Variants in CSMD1 observed in about 807,000 individuals in gnomAD.
CSMD1 encodes CUB and sushi domain-containing protein 1.
CSMD1 carries 213 observed loss-of-function variants against 417.5 expected under a neutral mutation model. That is an observed-to-expected ratio of 0.51 (90% confidence interval 0.46 to 0.57). The LOEUF (loss-of-function observed/expected upper bound fraction) is 0.57, where lower values mean the gene tolerates loss of function less well. Among genes scored for constraint, CSMD1 ranks in the 20% least tolerant of loss-of-function variants. CSMD1 has a pLI of 0.00. For missense variants in CSMD1, 6,923 were observed against 4,529.7 expected, an observed-to-expected ratio of 1.53 and a Z score of -15.17; for synonymous variants, 2,862 against 1,736.8, an observed-to-expected ratio of 1.65 and a Z score of -16.11.
At chr8:3,847,521 C>A (rs934750867) in intron 5 of CSMD1, among the ~76,000 whole-genome samples, 11 of 152,008 alleles carry the variant, frequency 7.2e-5, no homozygotes, top group African/African-American at 2.7e-4. Flanking sequence ...GAAGATAATT[C>A]CAGCCTAAGG....
chr8:4,866,857 T>G (rs1215076358), intron 1 of CSMD1, among the ~76,000 whole-genome samples: 1 of 152,020 alleles, frequency 6.6e-6, no homozygotes, highest in Non-Finnish European at 1.5e-5. Flanking sequence ...ACTTTACCAT[T>G]AATATAAAAC....
intron 3 of CSMD1, among the ~76,000 whole-genome samples, chr8:4,156,755 A>T (rs1796856366): frequency 6.6e-6 from 1 of 152,180 alleles, no homozygotes; most frequent in African/African-American, 2.4e-5. Flanking sequence ...ACCTTTGAAC[A>T]GGAAATCCAG....
chr8:2,962,643 T>C lies in CSMD1; in HGVS notation c.9455-4A>G, dbSNP rs1803598429. On this transcript the variant is annotated splice_region_variant and splice_polypyrimidine_tract_variant and intron_variant, in intron 60 of 69. Coordinates refer to ENST00000635120, the MANE Select transcript of CSMD1 (RefSeq NM_033225.6). ...CCAGGGTCTCCGCAGAACACAGCTA[T>C]GGAAGATAACCAGGAAGAAGTCAGC... 2.5e-6 allele frequency: 4 copies of C among 1,612,528 alleles called. No individual in the cohort carries two copies. The highest frequency in any genetic ancestry group is 1.3e-5 in the African/African-American group (1 of 74,914).
chr8:4,616,650 C>T (rs747993796), intron 2 of CSMD1, among the ~76,000 whole-genome samples: 5 of 152,158 alleles, frequency 3.3e-5, no homozygotes, highest in Admixed American at 6.5e-5. Context: ...GACATGCCAA[C>T]GCTTGAGAAA....
At chr8:4,423,567 C>G (rs531067801) in intron 2 of CSMD1, among the ~76,000 whole-genome samples, 2 of 151,910 alleles carry the variant, frequency 1.3e-5, no homozygotes, top group Admixed American at 6.6e-5. Context: ...AATAAATGGA[C>G]AGATATACCA....
chr8:4,030,460 G>A (rs1477956718), intron 4 of CSMD1, among the ~76,000 whole-genome samples: 1 of 152,222 alleles, frequency 6.6e-6, no homozygotes, highest in African/African-American at 2.4e-5. Context: ...GACACAGCCT[G>A]AGCTTTATGT....
chr8:3,688,290 T>G (rs571400189), intron 7 of CSMD1, among the ~76,000 whole-genome samples: 8 of 152,292 alleles, frequency 5.3e-5, no homozygotes, highest in African/African-American at 1.9e-4. Flanking sequence ...CGGACTATAA[T>G]AGAGGTGTAA....
intron 8 of CSMD1, among the ~76,000 whole-genome samples, chr8:3,608,578 A>G (rs927164916): frequency 9.2e-5 from 14 of 152,082 alleles, no homozygotes; most frequent in African/African-American, 3.4e-4. Context: ...CCTGGCCAAC[A>G]TAGTGAAACC....
chr8:3,515,610 T>A lies in CSMD1; in HGVS notation c.1345-21884A>T, dbSNP rs139378983. Among the ~76,000 whole-genome samples the A allele has an allele frequency of 5.9e-3, 901 of 152,358 alleles. 8 individuals are homozygous for A. The highest frequency in any genetic ancestry group is 0.021 in the African/African-American group (865 of 41,582). On this transcript the variant is annotated intron_variant, in intron 10 of 69. Transcript: ENST00000635120. ...ATGTTTCCAACAGAAAACTTATTAC[T>A]GTGGCACGTGTACTTGGCAGGCCAC...
chr8:3,903,049 C>T (rs564433230), intron 5 of CSMD1, among the ~76,000 whole-genome samples: 8 of 152,258 alleles, frequency 5.3e-5, no homozygotes, highest in African/African-American at 9.6e-5. Context: ...GTGTAGCTGA[C>T]CACCTGGATT....
At chr8:3,894,429 G>A (rs921859735) in intron 5 of CSMD1, among the ~76,000 whole-genome samples, 24 of 151,936 alleles carry the variant, frequency 1.6e-4, no homozygotes, top group African/African-American at 4.6e-4. Flanking sequence ...ATAATTTTAC[G>A]TTTTTTCAAG....
chr8:4,766,184 G>T (rs1358467833), intron 1 of CSMD1, among the ~76,000 whole-genome samples: 1 of 152,120 alleles, frequency 6.6e-6, no homozygotes. Flanking sequence ...CATTTTCCAT[G>T]AACATATGTT....
intron 3 of CSMD1, among the ~76,000 whole-genome samples, chr8:4,294,364 T>C (rs1003189179): frequency 6.6e-6 from 1 of 152,170 alleles, no homozygotes; most frequent in Non-Finnish European, 1.5e-5. Flanking sequence ...AGAGACAGTA[T>C]TCCAGAGAGT....
chr8:4,660,215 C>T (rs1437464862), intron 1 of CSMD1, among the ~76,000 whole-genome samples: 1 of 150,808 alleles, frequency 6.6e-6, no homozygotes, highest in African/African-American at 2.4e-5. Context: ...TTGTAGAAAA[C>T]CCCAAGGAAT....
Position 3,169,368 on chromosome 8 carries a change from A to G in CSMD1, c.5726-7091T>C, listed in dbSNP as rs76338676. Among the ~76,000 whole-genome samples, 542 of 152,296 alleles carry G rather than the reference A, an allele frequency of 3.6e-3. 6 individuals are homozygous for G. The highest frequency in any genetic ancestry group is 0.012 in the African/African-American group (496 of 41,576). On this transcript the variant is annotated intron_variant, in intron 37 of 69. Transcript: ENST00000635120. The stretch of plus-strand genomic sequence containing the variant: ...TACATCAAACATGAAAAAGAAAACA[A>G]TGGAGTGAAAAGTCTACATTCTGCT...
chr8:4,151,534 T>C (rs982361048), intron 3 of CSMD1, among the ~76,000 whole-genome samples: 11 of 152,246 alleles, frequency 7.2e-5, no homozygotes, highest in Non-Finnish European at 1.2e-4. Context: ...AACTTTATCA[T>C]AGACTTATAC....
chr8:4,273,327 G>A (rs1386986116), intron 3 of CSMD1, among the ~76,000 whole-genome samples: 1 of 152,250 alleles, frequency 6.6e-6, no homozygotes, highest in South Asian at 2.1e-4. Flanking sequence ...CAAAAGTCAT[G>A]AAAGTGCTAT....
chr8:4,718,344 A>G (rs1808825346), intron 1 of CSMD1, among the ~76,000 whole-genome samples: 1 of 152,200 alleles, frequency 6.6e-6, no homozygotes, highest in African/African-American at 2.4e-5. Flanking sequence ...AATTATCACT[A>G]TTGGTAAAAT....
chr8:3,625,407 C>T (rs1326110878), intron 7 of CSMD1, among the ~76,000 whole-genome samples: 2 of 149,438 alleles, frequency 1.3e-5, no homozygotes, highest in African/African-American at 2.5e-5. Flanking sequence ...TATTACATTG[C>T]CAGATTTTTT....
Sources: gnomAD v4.1 joint callset for allele counts (sites outside exome capture counted in the v4.1 genomes callset) on GRCh38, gnomAD v4.1.1 for gene constraint, MANE v1.5 for transcripts, NCBI Gene and HGNC (gene_info 2026-07-23, HGNC 2026-07-21) for gene names.